SYCP1: variants seen among roughly 807,000 people sequenced by gnomAD.
SYCP1 encodes the protein synaptonemal complex protein 1.
SYCP1 carries 64 observed loss-of-function variants against 153.1 expected under a neutral mutation model. That is an observed-to-expected ratio of 0.42 (90% CI 0.34 to 0.51). The LOEUF (loss-of-function observed/expected upper bound fraction) is 0.51. Ranked by LOEUF, SYCP1 falls within the 20% of genes least tolerant of loss-of-function variation. SYCP1 has a pLI of 0.06. For missense variants in SYCP1, 997 were observed against 1,049.0 expected (o/e 0.95, Z 0.68); for synonymous variants, 384 against 341.8 (o/e 1.12, Z -1.36).
chr1:114,991,977 C>G (rs1433678620), intron 30 of SYCP1, among the ~76,000 whole-genome samples: 1 of 151,458 alleles, frequency 6.6e-6, no homozygotes, highest in Non-Finnish European at 1.5e-5. Context: ...TATCAACATA[C>G]AAAAATTGAT....
intron 15 of SYCP1, 131 bp from the exon 16 acceptor site, chr1:114,895,317 T>C (rs952785086): frequency 2.4e-5 from 11 of 456,868 alleles, no homozygotes; most frequent in African/African-American, 1.4e-4. Flanking sequence ...CCCTCTATGC[T>C]TTACATTGCT....
chr1:114,941,632 AT>A (rs1310486372), intron 23 of SYCP1, among the ~76,000 whole-genome samples: 1 of 151,702 alleles, frequency 6.6e-6, no homozygotes, highest in African/African-American at 2.4e-5. Context: ...TACTTTGATG[AT>A]TTTTTTTCCT....
At chr1:114,884,831 G>T (rs941299281) in intron 12 of SYCP1, among the ~76,000 whole-genome samples, 1 of 152,018 alleles carries the variant, frequency 6.6e-6, no homozygotes, top group Non-Finnish European at 1.5e-5. Context: ...AAAGGAAATC[G>T]TATAATTTGA....
intron 15 of SYCP1, among the ~76,000 whole-genome samples, chr1:114,891,911 T>G (rs1469230639): frequency 6.6e-6 from 1 of 152,180 alleles, no homozygotes; most frequent in African/African-American, 2.4e-5. Context: ...TAATCACAAA[T>G]AAATATTTAA....
Position 114,886,172 on chromosome 1 carries a change from A to T in SYCP1, c.1053A>T (p.Thr351=). The change falls in exon 14 of 32, where the codon ACA becomes ACT. Residue 351 remains threonine (T), a synonymous_variant. Transcript: ENST00000369522. ...LEEDLQIATK[T]ICQLTEEKET... ...AAGATTTACAGATAGCAACAAAAACAATTTGTCAGCTAACTGAAGAAAAAG... is the reference window on the plus strand; with the variant it reads ...AAGATTTACAGATAGCAACAAAAACTATTTGTCAGCTAACTGAAGAAAAAG... 6.2e-7 allele frequency: 1 copy of T among 1,611,008 alleles called. No individual in the cohort carries two copies. Among genetic ancestry groups the T allele is most frequent in the Non-Finnish European group, 8.5e-7 (1 of 1,178,894 alleles).
At chr1:114,911,096 ATAGTTCT>A (rs939765435) in intron 17 of SYCP1, among the ~76,000 whole-genome samples, 7 of 151,948 alleles carry the variant, frequency 4.6e-5, no homozygotes, top group Admixed American at 4.6e-4. Context: ...TAAGAACATT[ATAGTTCT>A]TATTATTTTA....
At position 114,899,931 on chromosome 1, in the gene SYCP1, A is replaced by G. The variant is rs1667314506; in HGVS notation, c.1320+4422A>G. The stretch of plus-strand genomic sequence containing the variant: ...AAGTTTGATTTTGGGAAGCCTGTAA[A>G]ATATGTTAGAGGTTGAAAACACTTA... On this transcript the variant is annotated intron_variant, in intron 16 of 31. Coordinates refer to ENST00000369522, the MANE Select transcript of SYCP1 (RefSeq NM_003176.4). Among the ~76,000 whole-genome samples the G allele has an allele frequency of 5.3e-5, 8 of 152,198 alleles. No homozygotes were observed. The South Asian group carries it at 1.7e-3, about 31-fold the overall frequency.
chr1:114,903,368 G>C (rs1467701429), intron 16 of SYCP1, among the ~76,000 whole-genome samples: 1 of 152,162 alleles, frequency 6.6e-6, no homozygotes, highest in South Asian at 2.1e-4. Flanking sequence ...TTCATAGTAT[G>C]ATGAGGCCTA....
chr1:114,910,230 A>G, intron 16 of SYCP1, 167 bp from the exon 17 acceptor site: 1 of 458,676 alleles, frequency 2.2e-6, no homozygotes, highest in South Asian at 3.0e-5. Context: ...ATTGTCTGTC[A>G]TCATGTTTAG....
At chr1:114,901,500 T>A (rs1486339159) in intron 16 of SYCP1, among the ~76,000 whole-genome samples, 1 of 152,074 alleles carries the variant, frequency 6.6e-6, no homozygotes, top group Non-Finnish European at 1.5e-5. Flanking sequence ...AGAGAGTCAA[T>A]AAGCAGCAAA....
At chr1:114,950,353 G>T (rs1037376435) in intron 27 of SYCP1, among the ~76,000 whole-genome samples, 3 of 152,132 alleles carry the variant, frequency 2.0e-5, no homozygotes, top group Middle Eastern at 3.2e-3. Flanking sequence ...ATCTGGGGTT[G>T]TTACTACAGT....
At chr1:114,983,664 TG>T (rs1673314587) in intron 29 of SYCP1, among the ~76,000 whole-genome samples, 1 of 152,030 alleles carries the variant, frequency 6.6e-6, no homozygotes, top group Non-Finnish European at 1.5e-5. Flanking sequence ...GGGATGGGAC[TG>T]GGGAAGTTAA....
intron 16 of SYCP1, among the ~76,000 whole-genome samples, chr1:114,904,107 CTTTT>C (rs1667655563): frequency 6.6e-6 from 1 of 150,566 alleles, no homozygotes; most frequent in South Asian, 2.1e-4. Context: ...TTATAATTAG[CTTTT>C]CTTTCTTTCT....
chr1:114,890,696 G>A (rs1666650458), intron 15 of SYCP1, among the ~76,000 whole-genome samples: 1 of 152,138 alleles, frequency 6.6e-6, no homozygotes, highest in Non-Finnish European at 1.5e-5. Context: ...TTCTTTGGGT[G>A]ACAATATGGT....
intron 27 of SYCP1, among the ~76,000 whole-genome samples, chr1:114,953,204 G>A (rs1401165733): frequency 3.3e-5 from 5 of 152,186 alleles, no homozygotes; most frequent in Admixed American, 3.3e-4. Flanking sequence ...AGTTTTGGAG[G>A]GTACAAACAT....
At chr1:114,942,945 T>G (rs934578496) in intron 23 of SYCP1, among the ~76,000 whole-genome samples, 1 of 151,850 alleles carries the variant, frequency 6.6e-6, no homozygotes, top group African/African-American at 2.4e-5. Flanking sequence ...TAAATGTAAT[T>G]AAGAAGAAAA....
intron 15 of SYCP1, among the ~76,000 whole-genome samples, chr1:114,890,642 T>C (rs1002787754): frequency 6.6e-6 from 1 of 152,080 alleles, no homozygotes; most frequent in Non-Finnish European, 1.5e-5. Flanking sequence ...GTACAAAACA[T>C]CATGTGTAGG....
intron 20 of SYCP1, among the ~76,000 whole-genome samples, chr1:114,917,292 T>G (rs1668567743): frequency 6.6e-6 from 1 of 152,170 alleles, no homozygotes; most frequent in Non-Finnish European, 1.5e-5. Context: ...GACCTCCAGT[T>G]CCATCTATGC....
At chr1:114,874,368 G>A (rs34594672) in intron 8 of SYCP1, 138 bp from the exon 9 acceptor site, 19,071 of 524,110 alleles carry the variant, frequency 0.036, 431 homozygotes, top group Non-Finnish European at 0.047. Context: ...AAAAGACCCA[G>A]TAATGATTTA....
Sources: allele counts gnomAD v4.1 joint callset (sites outside exome capture counted in the v4.1 genomes callset), GRCh38; gene constraint gnomAD v4.1.1; transcripts MANE v1.5; gene names NCBI Gene and HGNC (gene_info 2026-07-23, HGNC 2026-07-21).